The following SNX31 variants were observed in gnomAD, a reference collection of about 807,000 sequenced individuals.
The protein encoded by SNX31 is sorting nexin 31, also known as sorting nexin-31.
SNX31 carries 58 observed loss-of-function variants against 65.4 expected under a neutral mutation model. That is an observed-to-expected ratio of 0.89 (90% CI 0.72 to 1.10). The LOEUF is 1.10. Ranked by LOEUF, SNX31 falls within the 50% of genes least tolerant of loss-of-function variation. The pLI, the probability that SNX31 is intolerant of heterozygous loss-of-function variation, is 0.00. For synonymous variants in SNX31, 181 were observed against 190.1 expected, an observed-to-expected ratio of 0.95 and a Z score of 0.39; for missense variants, 523 against 529.7, an observed-to-expected ratio of 0.99 and a Z score of 0.12.
intron 10 of SNX31, among the ~76,000 whole-genome samples, chr8:100,589,252 G>A (rs1030210772): frequency 7.1e-6 from 1 of 141,456 alleles, no homozygotes; most frequent in Non-Finnish European, 1.5e-5. Context: ...AGTGAGCCGA[G>A]ATCATGCCAT....
chr8:100,658,891 C>T (rs956928933), intron 1 of SNX31, among the ~76,000 whole-genome samples: 4 of 152,172 alleles, frequency 2.6e-5, no homozygotes, highest in Non-Finnish European at 4.4e-5. Context: ...TACTCTGTGC[C>T]CACTGGCTGC....
chr8:100,624,600 C>G (rs899273626), intron 4 of SNX31, among the ~76,000 whole-genome samples: 2 of 152,058 alleles, frequency 1.3e-5, no homozygotes, highest in Non-Finnish European at 2.9e-5. Context: ...AAAGCAAGCA[C>G]AAAACAGATC....
At position 100,639,902 on chromosome 8, in the gene SNX31, A is replaced by G. The variant is rs1442164930; in HGVS notation, c.142-3891T>C. ...CTCCAGAAAGTAAGGAAACATTCAA[A>G]ACAAATGAAAAAAACAAATCAGGAA... On this transcript the variant is annotated intron_variant, in intron 2 of 13. Coordinates refer to ENST00000311812, the MANE Select transcript of SNX31 (RefSeq NM_152628.4). Among the ~76,000 whole-genome samples, 3 of 152,190 alleles carry G rather than the reference A, an allele frequency of 2.0e-5. No individual in the cohort carries two copies. In the South Asian group the frequency reaches 6.2e-4, roughly 32 times the overall value.
In SNX31 at chr8:100,613,666, G is replaced by T. The variant is rs941267446; in HGVS notation, c.433-581C>A. ...ATGAAAACCTCAGATGCCAGGCACAGGTTGCCTTCCTTCACATTCCTCTTT... is the reference window on the plus strand; with the variant it reads ...ATGAAAACCTCAGATGCCAGGCACATGTTGCCTTCCTTCACATTCCTCTTT... On this transcript the variant is annotated intron_variant, in intron 5 of 13. Transcript: ENST00000311812. This position sits in a 1 kb window ranked among gnomAD's most constrained non-coding sequence, Gnocchi z 5.2. Among the ~76,000 whole-genome samples, 26 of 152,208 alleles carry T rather than the reference G, an allele frequency of 1.7e-4. No homozygotes were observed. The highest frequency in any genetic ancestry group is 5.8e-4 in the African/African-American group (24 of 41,444).
chr8:100,599,690 T>G (rs759056706), intron 9 of SNX31, among the ~76,000 whole-genome samples: 87 of 152,192 alleles, frequency 5.7e-4, no homozygotes, highest in Non-Finnish European at 1.0e-3. Context: ...GTCAGAAGAA[T>G]TTTTAAAAAG....
At chr8:100,644,181 T>C (rs570735748) in intron 2 of SNX31, among the ~76,000 whole-genome samples, 1 of 152,228 alleles carries the variant, frequency 6.6e-6, no homozygotes, top group Non-Finnish European at 1.5e-5. Context: ...GGAGGACAAC[T>C]GAACCAGCGC....
intron 8 of SNX31, among the ~76,000 whole-genome samples, chr8:100,606,312 G>A (rs1816152937): frequency 6.6e-6 from 1 of 152,158 alleles, no homozygotes; most frequent in Admixed American, 6.5e-5. Context: ...TGGGATTACA[G>A]GTGTGTGTCC....
At position 100,610,192 on chromosome 8, in the gene SNX31, G is replaced by T. The variant is rs944569098; in HGVS notation, c.612-1629C>A. On this transcript the variant is annotated intron_variant, in intron 7 of 13. Transcript: ENST00000311812. This position sits in a 1 kb window ranked among gnomAD's most constrained non-coding sequence, Gnocchi z 4.0. ...CTGAGATGCTGGCTAATAATTTGGG[G>T]TAGACGTTTTCTCTTGCACGTATCA... Among the ~76,000 whole-genome samples, 8 of 152,184 alleles carry T rather than the reference G, an allele frequency of 5.3e-5. No individual in the cohort carries two copies. The highest frequency in any genetic ancestry group is 1.2e-4 in the Non-Finnish European group (8 of 68,036).
chr8:100,616,096 A>T (rs2131067225), intron 5 of SNX31, among the ~76,000 whole-genome samples: 1 of 152,260 alleles, frequency 6.6e-6, no homozygotes, highest in African/African-American at 2.4e-5. Context: ...GACATAGAGA[A>T]AGTACAGTAA....
chr8:100,597,272 C>T (rs987529030), intron 9 of SNX31, among the ~76,000 whole-genome samples: 5 of 151,398 alleles, frequency 3.3e-5, no homozygotes, highest in Non-Finnish European at 5.9e-5. Context: ...GACGGAGTCT[C>T]GTTCTATCAC....
At chr8:100,615,160 T>G (rs919936968) in intron 5 of SNX31, among the ~76,000 whole-genome samples, 8 of 152,194 alleles carry the variant, frequency 5.3e-5, no homozygotes, top group African/African-American at 1.9e-4. Context: ...GATCTGATGA[T>G]GTCAACGTCT....
chr8:100,617,323 A>G (rs557288872), intron 5 of SNX31, among the ~76,000 whole-genome samples: 15 of 152,294 alleles, frequency 9.8e-5, no homozygotes, highest in African/African-American at 2.6e-4. Flanking sequence ...AGCATTTTAC[A>G]TATTTCCAGG....
In SNX31 at chr8:100,648,017, G is replaced by A. The variant is rs116831253; in HGVS notation, c.141+1257C>T. On this transcript the variant is annotated intron_variant, in intron 2 of 13. Transcript: ENST00000311812. The surrounding 1 kb of genome is among the most constrained non-coding windows in gnomAD (Gnocchi z 4.3). ...GTCACAGCACTAGTAATACAAAGATGACCACTCAAATTAACTAGTAACCAC... is the reference window on the plus strand; with the variant it reads ...GTCACAGCACTAGTAATACAAAGATAACCACTCAAATTAACTAGTAACCAC... 0.017 allele frequency among the ~76,000 whole-genome samples: 2,585 copies of A among 152,282 alleles called. 66 individuals carry two copies. The highest frequency in any genetic ancestry group is 0.057 in the African/African-American group (2,359 of 41,548).
intron 1 of SNX31, among the ~76,000 whole-genome samples, chr8:100,656,770 AC>A (rs1820059704): frequency 1.3e-5 from 2 of 152,050 alleles, no homozygotes; most frequent in Admixed American, 6.6e-5. Context: ...TTGACCCTAA[AC>A]CACTTTGGGA....
chr8:100,593,306 C>A (rs959115786), intron 10 of SNX31, among the ~76,000 whole-genome samples: 3 of 152,036 alleles, frequency 2.0e-5, no homozygotes, highest in Non-Finnish European at 4.4e-5. Flanking sequence ...CAAACATGCC[C>A]AACTGATTTT....
chr8:100,590,805 C>T (rs1814502865), intron 10 of SNX31, among the ~76,000 whole-genome samples: 1 of 151,988 alleles, frequency 6.6e-6, no homozygotes, highest in South Asian at 2.1e-4. Context: ...ACAACAACAA[C>T]AACAAAATAT....
intron 8 of SNX31, among the ~76,000 whole-genome samples, chr8:100,607,839 A>T (rs1816312070): frequency 6.6e-6 from 1 of 152,240 alleles, no homozygotes; most frequent in African/African-American, 2.4e-5. Flanking sequence ...ACTAAAAATA[A>T]AATGAAGAAT....
At chr8:100,650,138 A>G (rs1047161023), upstream of SNX31, among the ~76,000 whole-genome samples, 3 of 152,228 alleles carry the variant, frequency 2.0e-5, no homozygotes, top group African/African-American at 7.2e-5. Flanking sequence ...GTGCATTCAC[A>G]TAAACACTTG....
chr8:100,596,518 G>C (rs946766617), intron 10 of SNX31, 121 bp downstream of exon 10: 2 of 768,778 alleles, frequency 2.6e-6, no homozygotes, highest in Non-Finnish European at 4.4e-6. Context: ...ATGTGGCTTA[G>C]ATGTCACTCC....
Sources: allele counts gnomAD v4.1 joint callset (sites outside exome capture counted in the v4.1 genomes callset), GRCh38; gene constraint gnomAD v4.1.1; non-coding constraint Gnocchi (gnomAD v3.1); transcripts MANE v1.5; gene names NCBI Gene and HGNC (gene_info 2026-07-23, HGNC 2026-07-21).